The following NAALADL2 variants were observed in gnomAD, a reference collection of about 807,000 sequenced individuals.
NAALADL2 encodes the protein N-acetylated alpha-linked acidic dipeptidase like 2.
NAALADL2 carries 76 observed loss-of-function variants against 87.2 expected under a neutral mutation model. That is an observed-to-expected ratio of 0.87 (90% CI 0.72 to 1.05). NAALADL2 has a LOEUF of 1.05. NAALADL2 is among the 50% of genes least tolerant of loss of function. The pLI is 0.00. For missense variants in NAALADL2, 1,089 were observed against 945.8 expected (o/e 1.15, Z -1.99); for synonymous variants, 354 against 331.0 (o/e 1.07, Z -0.75).
chr3:175,401,522 G>A (rs953911831), intron 5 of NAALADL2, among the ~76,000 whole-genome samples: 1 of 152,122 alleles, frequency 6.6e-6, no homozygotes, highest in Non-Finnish European at 1.5e-5. Flanking sequence ...CTATCAGAGA[G>A]TGTACTTACA....
chr3:175,375,395 A>G (rs1265009509), intron 5 of NAALADL2, among the ~76,000 whole-genome samples: 1 of 152,170 alleles, frequency 6.6e-6, no homozygotes, highest in Non-Finnish European at 1.5e-5. Flanking sequence ...CAGCATTAGC[A>G]GTGTTGTGTC....
chr3:174,843,348 T>C (rs1724237006), intron 3 of NAALADL2, among the ~76,000 whole-genome samples: 1 of 152,036 alleles, frequency 6.6e-6, no homozygotes, highest in African/African-American at 2.4e-5. Flanking sequence ...AGTGAGATCA[T>C]GGAGTATTTG....
chr3:174,831,894 G>A (rs372918621), intron 3 of NAALADL2, among the ~76,000 whole-genome samples: 19 of 150,740 alleles, frequency 1.3e-4, no homozygotes, highest in East Asian at 5.8e-4. Context: ...GTTTATTTGC[G>A]TAGAGGTGTT....
At chr3:175,079,061 G>A (rs115271401) in intron 1 of NAALADL2, among the ~76,000 whole-genome samples, 3 of 152,152 alleles carry the variant, frequency 2.0e-5, no homozygotes, top group African/African-American at 7.2e-5. Flanking sequence ...AACGTATGGG[G>A]TTCTAATTTC....
intron 3 of NAALADL2, among the ~76,000 whole-genome samples, chr3:175,236,667 G>A (rs927019882): frequency 3.3e-5 from 5 of 152,160 alleles, no homozygotes; most frequent in Non-Finnish European, 7.3e-5. Flanking sequence ...GGAGGTGGTG[G>A]TGGAGGGAAG....
At chr3:174,838,041 A>G (rs1037029121) in intron 3 of NAALADL2, among the ~76,000 whole-genome samples, 5 of 150,928 alleles carry the variant, frequency 3.3e-5, no homozygotes, top group Admixed American at 6.6e-5. Flanking sequence ...AAAAAAGAAA[A>G]AAAAAAAACT....
intron 9 of NAALADL2, among the ~76,000 whole-genome samples, chr3:175,558,981 TA>T (rs1279269769): frequency 6.6e-6 from 1 of 152,138 alleles, no homozygotes; most frequent in Non-Finnish European, 1.5e-5. Flanking sequence ...GGTATTTTGG[TA>T]GGGATTACAT....
intron 13 of NAALADL2, among the ~76,000 whole-genome samples, chr3:175,794,862 C>T (rs1007964809): frequency 1.3e-5 from 2 of 152,180 alleles, no homozygotes; most frequent in Admixed American, 6.5e-5. Flanking sequence ...GACTGGGTGG[C>T]TTAAACAACA....
At chr3:174,716,786 A>G (rs1578662139) in intron 2 of NAALADL2, among the ~76,000 whole-genome samples, 1 of 152,120 alleles carries the variant, frequency 6.6e-6, no homozygotes, top group South Asian at 2.1e-4. Flanking sequence ...GAAGATTCTA[A>G]TGTACAGTTC....
rs73881324 is a variant in NAALADL2 at position 175,636,288 on chromosome 3, C to T, written c.1896+8902C>T. Among the ~76,000 whole-genome samples the T allele has an allele frequency of 3.6e-3, 555 of 152,250 alleles. 4 individuals are homozygous for T. Among genetic ancestry groups the T allele is most frequent in the African/African-American group, 0.012 (513 of 41,544 alleles). On this transcript the variant is annotated intron_variant, in intron 11 of 13. Coordinates refer to ENST00000454872, the MANE Select transcript of NAALADL2 (RefSeq NM_207015.3). ...CTCATTCTCAGTATATCACCATAGA[C>T]TGACACTACCAATTGATTGGATTTG... is the stretch of plus-strand genomic sequence containing the variant.
chr3:175,326,472 C>T (rs747490691), intron 5 of NAALADL2, among the ~76,000 whole-genome samples: 1 of 152,106 alleles, frequency 6.6e-6, no homozygotes, highest in South Asian at 2.1e-4. Context: ...CAGCCTTTAC[C>T]CATTATCCAC....
intron 5 of NAALADL2, among the ~76,000 whole-genome samples, chr3:175,350,672 CAAAG>C (rs1256627358): frequency 1.3e-5 from 2 of 152,034 alleles, no homozygotes; most frequent in Non-Finnish European, 2.9e-5. Flanking sequence ...AGTGGGAAGA[CAAAG>C]AAATCATGAA....
chr3:175,685,041 T>C lies in NAALADL2; in HGVS notation c.1897-52265T>C, dbSNP rs1040657978. 1.2e-4 allele frequency among the ~76,000 whole-genome samples: 18 copies of C among 152,320 alleles called. 2 individuals are homozygous for C. In the South Asian group the frequency reaches 3.1e-3, roughly 26 times the overall value. ...AGGTTTGCATAATTTTAAAATTTAG[T>C]GCAGAATTCTCCTGGCATGGTTAAC... is the stretch of plus-strand genomic sequence containing the variant. On this transcript the variant is annotated intron_variant, in intron 11 of 13. Transcript: ENST00000454872.
chr3:175,781,833 G>C (rs571057982), intron 13 of NAALADL2, among the ~76,000 whole-genome samples: 1 of 151,824 alleles, frequency 6.6e-6, no homozygotes, highest in Non-Finnish European at 1.5e-5. Flanking sequence ...CTAGCATTAG[G>C]TGTATCTCCC....
chr3:174,647,235 T>C (rs1723886544), intron 2 of NAALADL2, among the ~76,000 whole-genome samples: 1 of 152,202 alleles, frequency 6.6e-6, no homozygotes, highest in South Asian at 2.1e-4. Flanking sequence ...TCCATGAAGG[T>C]AAATTACTTG....
chr3:175,661,745 A>T (rs1243312142), intron 11 of NAALADL2, among the ~76,000 whole-genome samples: 3 of 152,006 alleles, frequency 2.0e-5, no homozygotes, highest in African/African-American at 7.2e-5. Context: ...CTTATTGAAA[A>T]TATTGTCTTT....
At chr3:174,874,650 C>T (rs1728249405) in intron 1 of NAALADL2, among the ~76,000 whole-genome samples, 1 of 152,126 alleles carries the variant, frequency 6.6e-6, no homozygotes, top group African/African-American at 2.4e-5. Flanking sequence ...ATAACCTTGA[C>T]TGGGAGTCTT....
chr3:175,389,587 T>A (rs936453960), intron 5 of NAALADL2, among the ~76,000 whole-genome samples: 4 of 152,214 alleles, frequency 2.6e-5, no homozygotes, highest in Non-Finnish European at 5.9e-5. Flanking sequence ...AATGAATGAT[T>A]TATCCTGTCT....
chr3:174,580,805 A>G (rs901914639), intron 2 of NAALADL2, among the ~76,000 whole-genome samples: 4 of 152,056 alleles, frequency 2.6e-5, no homozygotes, highest in African/African-American at 9.7e-5. Flanking sequence ...TTGAGTGCAA[A>G]ATTTTTTACA....
Sources: gnomAD v4.1 joint callset for allele counts (sites outside exome capture counted in the v4.1 genomes callset) on GRCh38, gnomAD v4.1.1 for gene constraint, MANE v1.5 for transcripts, NCBI Gene and HGNC (gene_info 2026-07-23, HGNC 2026-07-21) for gene names.